OPCML: variants seen among roughly 807,000 people sequenced by gnomAD.
OPCML encodes the protein opioid binding protein/cell adhesion molecule like.
In OPCML, 13 loss-of-function variants were observed where a neutral mutation model predicts 37.8. That is an observed-to-expected ratio of 0.34 (90% CI 0.22 to 0.55). The LOEUF (loss-of-function observed/expected upper bound fraction) is 0.55. Ranked by LOEUF, OPCML falls within the 20% of genes least tolerant of loss-of-function variation. OPCML has a pLI of 0.91. For synonymous variants in OPCML, 176 were observed against 168.8 expected, an observed-to-expected ratio of 1.04 and a Z score of -0.33; for missense variants, 341 against 435.6, an observed-to-expected ratio of 0.78 and a Z score of 1.93.
chr11:133,081,960 G>T (rs1591983876), intron 1 of OPCML, among the ~76,000 whole-genome samples: 1 of 152,094 alleles, frequency 6.6e-6, no homozygotes, highest in Non-Finnish European at 1.5e-5. Context: ...GCGGTCCCCT[G>T]GGAGGCGTCC....
intron 4 of OPCML, among the ~76,000 whole-genome samples, chr11:132,460,087 A>T: frequency 6.6e-6 from 1 of 152,196 alleles, no homozygotes; most frequent in Non-Finnish European, 1.5e-5. Flanking sequence ...TTGGGAAAAC[A>T]TTGTACTTTG....
intron 4 of OPCML, among the ~76,000 whole-genome samples, chr11:132,501,070 A>G (rs780061167): frequency 1.3e-5 from 2 of 148,744 alleles, no homozygotes; most frequent in Non-Finnish European, 3.0e-5. Flanking sequence ...GTATATACCC[A>G]GTAATGGGAT....
chr11:132,518,237 C>A (rs1470077100), intron 4 of OPCML, among the ~76,000 whole-genome samples: 1 of 152,062 alleles, frequency 6.6e-6, no homozygotes, highest in Non-Finnish European at 1.5e-5. Context: ...TTGCCCCCAC[C>A]CCCGACAGGC....
intron 2 of OPCML, chr11:132,773,517 G>A (rs936768228): frequency 6.6e-6 from 1 of 152,200 alleles, no homozygotes; most frequent in Non-Finnish European, 1.5e-5. Flanking sequence ...TTCCTGGTGA[G>A]GCCGACAAAA....
At chr11:133,038,723 C>T (rs1947830066) in intron 1 of OPCML, among the ~76,000 whole-genome samples, 1 of 151,952 alleles carries the variant, frequency 6.6e-6, no homozygotes, top group Admixed American at 6.6e-5. Flanking sequence ...CAACTCTCTG[C>T]TGTCTAAGGT....
At chr11:132,807,285 T>C (rs1374991511) in intron 2 of OPCML, among the ~76,000 whole-genome samples, 4 of 152,010 alleles carry the variant, frequency 2.6e-5, no homozygotes, top group Admixed American at 1.3e-4. Flanking sequence ...AGAATAATCA[T>C]GATTAAGCAA....
chr11:132,723,083 C>A (rs547817101), intron 2 of OPCML, among the ~76,000 whole-genome samples: 2 of 152,118 alleles, frequency 1.3e-5, no homozygotes, highest in African/African-American at 4.8e-5. Context: ...TTTGCCTAGA[C>A]AGAACCCAAT....
At chr11:132,759,074 T>C (rs192812109) in intron 2 of OPCML, among the ~76,000 whole-genome samples, 1 of 152,210 alleles carries the variant, frequency 6.6e-6, no homozygotes, top group African/African-American at 2.4e-5. Context: ...GGTTTTGTCA[T>C]TGGTTCTGTT....
intron 1 of OPCML, among the ~76,000 whole-genome samples, chr11:133,426,680 GA>G: frequency 6.6e-6 from 1 of 152,298 alleles, no homozygotes; most frequent in African/African-American, 2.4e-5. Flanking sequence ...CATCAGGAAA[GA>G]AACACAGCGA....
chr11:133,221,084 T>C (rs972168357), intron 1 of OPCML, among the ~76,000 whole-genome samples: 1 of 152,388 alleles, frequency 6.6e-6, no homozygotes, highest in Non-Finnish European at 1.5e-5. Context: ...AGAGGCCTTC[T>C]TGAGTGCAGC....
chr11:132,732,438 A>T (rs1335542838), intron 2 of OPCML, among the ~76,000 whole-genome samples: 1 of 152,168 alleles, frequency 6.6e-6, no homozygotes, highest in Non-Finnish European at 1.5e-5. Context: ...TGATGGGTTT[A>T]TCTTGAGGGT....
intron 3 of OPCML, among the ~76,000 whole-genome samples, chr11:132,652,537 C>T (rs112504888): frequency 0.013 from 1,921 of 152,312 alleles, 30 homozygotes; most frequent in African/African-American, 0.032. Flanking sequence ...TACTTACTCA[C>T]TGGGGACTCA....
chr11:133,082,695 G>A (rs552628665), intron 1 of OPCML, among the ~76,000 whole-genome samples: 3 of 117,622 alleles, frequency 2.6e-5, no homozygotes, highest in East Asian at 6.0e-4. Flanking sequence ...CTACGAAGCC[G>A]GGCGAGGGGC....
intron 1 of OPCML, among the ~76,000 whole-genome samples, chr11:132,956,920 C>T (rs1455335263): frequency 1.3e-5 from 2 of 152,120 alleles, no homozygotes; most frequent in African/African-American, 2.4e-5. Flanking sequence ...TGCTTGAAGC[C>T]AAGAGTTCAA....
chr11:132,668,491 G>A (rs1010709467), intron 2 of OPCML, among the ~76,000 whole-genome samples: 5 of 152,136 alleles, frequency 3.3e-5, no homozygotes, highest in Admixed American at 2.6e-4. Flanking sequence ...GCATTACACA[G>A]TGCTATTATG....
At chr11:132,951,651 C>T (rs910174173) in intron 1 of OPCML, among the ~76,000 whole-genome samples, 1 of 152,174 alleles carries the variant, frequency 6.6e-6, no homozygotes, top group African/African-American at 2.4e-5. Flanking sequence ...TTATTACTGC[C>T]TACAGAAAGA....
chr11:132,572,021 C>G (rs1011174672), intron 3 of OPCML, among the ~76,000 whole-genome samples: 2 of 151,684 alleles, frequency 1.3e-5, no homozygotes, highest in Non-Finnish European at 2.9e-5. Context: ...GTGATTAGTG[C>G]TGAACCTCTT....
chr11:133,153,848 G>T (rs1302971475), intron 1 of OPCML, among the ~76,000 whole-genome samples: 5 of 152,248 alleles, frequency 3.3e-5, no homozygotes, highest in South Asian at 2.1e-4. Flanking sequence ...TATCACACGT[G>T]GGGGCTCCAT....
intron 1 of OPCML, chr11:133,365,268 A>C (rs562942122): frequency 6.6e-6 from 1 of 152,382 alleles, no homozygotes; most frequent in East Asian, 1.9e-4. Flanking sequence ...GAATGCTATT[A>C]CAGAATACCA....
Sources: gnomAD v4.1 joint callset for allele counts (sites outside exome capture counted in the v4.1 genomes callset) on GRCh38, gnomAD v4.1.1 for gene constraint, MANE v1.5 for transcripts, NCBI Gene and HGNC (gene_info 2026-07-23, HGNC 2026-07-21) for gene names.